Variants in SPOCK3 observed in about 807,000 individuals in gnomAD.
The protein encoded by SPOCK3 is SPARC (osteonectin), cwcv and kazal like domains proteoglycan 3, also known as testican-3.
A neutral mutation model predicts 56.6 loss-of-function variants in SPOCK3; 30 were observed. The ratio of observed to expected loss-of-function variants is 0.53; its 90% CI spans 0.40 to 0.72. The LOEUF is 0.72. Among genes scored for constraint, SPOCK3 ranks in the 30% least tolerant of loss-of-function variants. SPOCK3 has a pLI of 0.00. For missense variants in SPOCK3, 527 were observed against 530.0 expected (o/e 0.99, Z 0.06); for synonymous variants, 196 against 183.3 (o/e 1.07, Z -0.56).
chr4:166,804,801 C>T (rs1304952895), intron 6 of SPOCK3, among the ~76,000 whole-genome samples: 4 of 152,154 alleles, frequency 2.6e-5, no homozygotes, highest in African/African-American at 2.4e-5. Context: ...TCTCTAGCCA[C>T]CCTGAGAAAA....
At chr4:167,105,921 C>A (rs1429849108) in intron 2 of SPOCK3, among the ~76,000 whole-genome samples, 1 of 151,898 alleles carries the variant, frequency 6.6e-6, no homozygotes, top group Non-Finnish European at 1.5e-5. Flanking sequence ...GTGGTCAATT[C>A]AGCAAGAGGA....
chr4:166,919,494 T>C (rs1440735672), intron 4 of SPOCK3, among the ~76,000 whole-genome samples: 1 of 152,184 alleles, frequency 6.6e-6, no homozygotes, highest in Non-Finnish European at 1.5e-5. Flanking sequence ...TGACTGCATA[T>C]TTCCAATCTC....
At chr4:167,124,444 G>A (rs972932733) in intron 2 of SPOCK3, among the ~76,000 whole-genome samples, 3 of 152,110 alleles carry the variant, frequency 2.0e-5, no homozygotes, top group Admixed American at 6.5e-5. Flanking sequence ...CATGCAGTCA[G>A]ATATTTTCAT....
chr4:167,189,305 CAATT>C (rs982902116), intron 2 of SPOCK3, among the ~76,000 whole-genome samples: 6 of 145,834 alleles, frequency 4.1e-5, no homozygotes, highest in African/African-American at 1.3e-4. Flanking sequence ...CATTAAAAAT[CAATT>C]AATATACCAT....
chr4:166,772,819 T>C (rs181522179), intron 7 of SPOCK3, among the ~76,000 whole-genome samples: 1 of 152,210 alleles, frequency 6.6e-6, no homozygotes, highest in Admixed American at 6.6e-5. Context: ...TGAGACAGGG[T>C]CTTACTCTGT....
intron 4 of SPOCK3, among the ~76,000 whole-genome samples, chr4:166,951,545 C>T (rs1306477345): frequency 2.2e-5 from 3 of 139,406 alleles, no homozygotes; most frequent in African/African-American, 6.0e-5. Flanking sequence ...CTATTCCAAT[C>T]AATAGAAAAA....
At chr4:166,948,363 GAATA>G (rs149606870) in intron 4 of SPOCK3, among the ~76,000 whole-genome samples, 1,769 of 152,106 alleles carry the variant, frequency 0.012, 38 homozygotes, top group African/African-American at 0.041. Context: ...CATTTCTTTT[GAATA>G]TATAACCCAG....
At chr4:167,134,321 T>A (rs541990219) in intron 2 of SPOCK3, among the ~76,000 whole-genome samples, 1 of 152,042 alleles carries the variant, frequency 6.6e-6, no homozygotes, top group South Asian at 2.1e-4. Flanking sequence ...GTGTGAGCCA[T>A]CGCACGTGGC....
intron 2 of SPOCK3, among the ~76,000 whole-genome samples, chr4:167,154,439 A>C (rs1055470358): frequency 6.6e-6 from 1 of 152,102 alleles, no homozygotes; most frequent in African/African-American, 2.4e-5. Context: ...AAATGAGGTT[A>C]TTTTTCCAAT....
At chr4:167,081,243 C>T (rs1156837859) in intron 2 of SPOCK3, among the ~76,000 whole-genome samples, 1 of 151,944 alleles carries the variant, frequency 6.6e-6, no homozygotes, top group African/African-American at 2.4e-5. Flanking sequence ...ATTTATTCAA[C>T]TGAAAAACTG....
At chr4:166,738,803 C>T (rs1734522235) in intron 9 of SPOCK3, among the ~76,000 whole-genome samples, 1 of 151,810 alleles carries the variant, frequency 6.6e-6, no homozygotes, top group South Asian at 2.1e-4. Context: ...ATGAACTCAT[C>T]ATTTTTTATG....
chr4:167,170,111 G>A (rs1730366637), intron 2 of SPOCK3, among the ~76,000 whole-genome samples: 1 of 152,034 alleles, frequency 6.6e-6, no homozygotes, highest in South Asian at 2.1e-4. Context: ...ATTTAATAAT[G>A]GTAGAATAGT....
chr4:166,971,448 TGTG>T (rs1378123420), intron 4 of SPOCK3, among the ~76,000 whole-genome samples: 23 of 152,282 alleles, frequency 1.5e-4, no homozygotes, highest in Non-Finnish European at 2.4e-4. Context: ...CATTCATGTC[TGTG>T]GCTTTTAACA....
intron 6 of SPOCK3, among the ~76,000 whole-genome samples, chr4:166,854,168 G>C (rs1579433193): frequency 6.6e-6 from 1 of 152,106 alleles, no homozygotes; most frequent in Admixed American, 6.5e-5. Flanking sequence ...GCAAAGAAGA[G>C]TACTGTCCTA....
intron 2 of SPOCK3, among the ~76,000 whole-genome samples, chr4:167,168,230 C>T (rs905845586): frequency 6.6e-6 from 1 of 152,064 alleles, no homozygotes; most frequent in African/African-American, 2.4e-5. Flanking sequence ...TGCGGTGCTG[C>T]TGTAAATATA....
chr4:167,215,201 T>A (rs1374100466), intron 2 of SPOCK3, among the ~76,000 whole-genome samples: 1 of 152,118 alleles, frequency 6.6e-6, no homozygotes, highest in Non-Finnish European at 1.5e-5. Context: ...ACTAATAATA[T>A]TAACCTGGGT....
chr4:167,054,241 C>T (rs182751491), intron 3 of SPOCK3, among the ~76,000 whole-genome samples: 5 of 152,222 alleles, frequency 3.3e-5, no homozygotes, highest in East Asian at 3.9e-4. Flanking sequence ...CTGATGTATC[C>T]GTTACACACC....
Position 167,147,915 on chromosome 4 carries a change from AACCTGC to A in SPOCK3, c.190-85384_190-85379del, listed in dbSNP as rs568876088. Among the ~76,000 whole-genome samples, 32 of 152,194 alleles carry A rather than the reference AACCTGC, an allele frequency of 2.1e-4. No individual in the cohort carries two copies. The South Asian group carries it at 5.4e-3, about 26-fold the overall frequency. On this transcript the variant is annotated intron_variant, in intron 2 of 10. Coordinates refer to ENST00000357545, the MANE Select transcript of SPOCK3 (RefSeq NM_001040159.2). ...ATGGCACGTGTATACCTATGAAACA[AACCTGC>A]ACATTCTGCACATGTACCCCAGCAC...
intron 6 of SPOCK3, among the ~76,000 whole-genome samples, chr4:166,878,482 TTATATG>T (rs2126971092): frequency 1.3e-5 from 2 of 150,610 alleles, no homozygotes; most frequent in African/African-American, 4.9e-5. Flanking sequence ...AATGTATATT[TTATATG>T]TATATTTTAT....
Sources: allele counts gnomAD v4.1 joint callset (sites outside exome capture counted in the v4.1 genomes callset), GRCh38; gene constraint gnomAD v4.1.1; transcripts MANE v1.5; gene names NCBI Gene and HGNC (gene_info 2026-07-23, HGNC 2026-07-21).